WASF1: variants seen among roughly 807,000 people sequenced by gnomAD.
WASF1 encodes WASP family member 1.
Under a neutral mutation model 50.5 loss-of-function variants are expected in WASF1, and 7 were observed. That is an observed-to-expected ratio of 0.14 (90% CI 0.08 to 0.26). The LOEUF is 0.26. Among genes scored for constraint, WASF1 ranks in the 10% least tolerant of loss-of-function variants. The pLI is 1.00. For missense variants in WASF1, 470 were observed against 694.7 expected (o/e 0.68, Z 3.64); for synonymous variants, 205 against 244.0 (o/e 0.84, Z 1.49).
At chr6:110,173,311 T>TAAAGAAAC (rs1562192968) in intron 2 of WASF1, among the ~76,000 whole-genome samples, 1 of 151,708 alleles carries the variant, frequency 6.6e-6, no homozygotes, top group African/African-American at 2.4e-5. Flanking sequence ...CACACCAAAT[T>TAAAGAAAC]AAAAAAACAA....
Position 110,113,389 on chromosome 6 carries a change from A to T in WASF1, c.205T>A (p.Leu69Met). ...GATAAACGGTCCACACGTTCTTGCA[A>T]TGAGTTGACTCTGAAGGAAAAACTA... is the stretch of plus-strand genomic sequence containing the variant. ...AHSFSFRVNSLQERVDRLSVS... is the reference protein window; with the variant it reads ...AHSFSFRVNSMQERVDRLSVS... The change falls in exon 5 of 11, where the codon TTG becomes ATG. Residue 69 changes from leucine to methionine, a missense_variant. Transcript: ENST00000392589. The T allele has an allele frequency of 1.2e-6, 2 of 1,607,040 alleles. No individual in the cohort carries two copies. Among genetic ancestry groups the T allele is most frequent in the Non-Finnish European group, 1.7e-6 (2 of 1,177,030 alleles).
chr6:110,125,452 G>A (rs532702920), intron 4 of WASF1, among the ~76,000 whole-genome samples: 29 of 152,222 alleles, frequency 1.9e-4, no homozygotes, highest in African/African-American at 7.0e-4. Context: ...TTTATCCTCT[G>A]AAGCATAACT....
intron 3 of WASF1, among the ~76,000 whole-genome samples, chr6:110,127,840 G>A (rs998729945): frequency 1.3e-5 from 2 of 152,090 alleles, no homozygotes; most frequent in African/African-American, 4.8e-5. Context: ...TACTCAAGGT[G>A]AAAATGACAA....
At chr6:110,124,274 C>CTATATATATATATATATATATATATA (rs35703116) in intron 4 of WASF1, among the ~76,000 whole-genome samples, 1 of 20,504 alleles carries the variant, frequency 4.9e-5, no homozygotes, top group Non-Finnish European at 7.6e-5. Context: ...CTCTCTCTCT[C>CTATATATATATATATATATATATATA]TATATATATA....
intron 3 of WASF1, among the ~76,000 whole-genome samples, chr6:110,135,721 CTT>C (rs139834112): frequency 0.018 from 1,358 of 73,466 alleles, 29 homozygotes; most frequent in African/African-American, 0.066. Context: ...GGAAGATTAT[CTT>C]TTTTTTTTTT....
chr6:110,100,520 T>C lies in WASF1; in HGVS notation c.*2A>G, dbSNP rs775460906. On this transcript the variant is annotated 3_prime_UTR_variant, in exon 11 of 11. Coordinates refer to ENST00000392589, the MANE Select transcript of WASF1 (RefSeq NM_003931.3). ...TTTGTAATATTTATCAATGCATTTT[T>C]CTTACTCCAACCAATCTACTTCATC... 10 of 1,607,848 alleles carry C rather than the reference T, an allele frequency of 6.2e-6. No individual in the cohort carries two copies. In the Admixed American group the frequency reaches 1.7e-4, roughly 27 times the overall value.
intron 3 of WASF1, among the ~76,000 whole-genome samples, chr6:110,132,940 TTGTG>T (rs1348388642): frequency 6.9e-6 from 1 of 144,610 alleles, no homozygotes; most frequent in Admixed American, 6.9e-5. Flanking sequence ...ACCATGGTGT[TTGTG>T]TGTGTATTCC....
chr6:110,172,659 T>C (rs1159574586), intron 2 of WASF1, among the ~76,000 whole-genome samples: 3 of 152,198 alleles, frequency 2.0e-5, no homozygotes, highest in South Asian at 2.1e-4. Context: ...GAGGCCATTA[T>C]CCTAAGTGAA....
chr6:110,124,243 T>C (rs1478773862), intron 4 of WASF1, among the ~76,000 whole-genome samples: 6 of 33,052 alleles, frequency 1.8e-4, no homozygotes, highest in Admixed American at 3.8e-4. Flanking sequence ...CTCCTCTCTC[T>C]CTCTCTCTCT....
At chr6:110,147,739 G>A (rs1035153127) in intron 3 of WASF1, among the ~76,000 whole-genome samples, 2 of 152,022 alleles carry the variant, frequency 1.3e-5, no homozygotes, top group Non-Finnish European at 2.9e-5. Context: ...ACTGCACCAA[G>A]GTTATTACTG....
At chr6:110,113,518 T>C (rs910059911) in intron 4 of WASF1, 58 bp from the exon 5 acceptor site, 105 of 1,455,924 alleles carry the variant, frequency 7.2e-5, no homozygotes, top group Non-Finnish European at 9.2e-5. Context: ...TGAGTTTTTA[T>C]CTTTGCAAGC....
chr6:110,114,303 G>A (rs1054464027), intron 4 of WASF1, among the ~76,000 whole-genome samples: 6 of 152,262 alleles, frequency 3.9e-5, no homozygotes, highest in African/African-American at 1.2e-4. Flanking sequence ...GTACAAGAAA[G>A]TCATAACACT....
chr6:110,175,484 A>G (rs1433014057), intron 2 of WASF1, among the ~76,000 whole-genome samples: 6 of 152,146 alleles, frequency 3.9e-5, no homozygotes, highest in African/African-American at 1.4e-4. Context: ...AAATGTCCTC[A>G]TAAGAGGGAC....
chr6:110,124,508 G>A (rs1477398669), intron 4 of WASF1, among the ~76,000 whole-genome samples: 1 of 151,148 alleles, frequency 6.6e-6, no homozygotes, highest in Non-Finnish European at 1.5e-5. Flanking sequence ...CATTAAGAAA[G>A]CAATAAAATG....
chr6:110,105,736 A>C (rs1292082116), intron 7 of WASF1, among the ~76,000 whole-genome samples, 157 bp from the exon 8 acceptor site: 1 of 152,238 alleles, frequency 6.6e-6, no homozygotes, highest in Non-Finnish European at 1.5e-5. Context: ...TTGTACATTC[A>C]GTTAAATCTT....
At chr6:110,129,989 A>G (rs1234263750) in intron 3 of WASF1, among the ~76,000 whole-genome samples, 1 of 152,230 alleles carries the variant, frequency 6.6e-6, no homozygotes, top group Non-Finnish European at 1.5e-5. Flanking sequence ...GAAATGACTG[A>G]CTGTACTATC....
At position 110,105,396 on chromosome 6, in the gene WASF1, A is replaced by G; in HGVS notation, c.713+11T>C. ...TTTATCATTTAAAAAAAAAAACAAA[A>G]GTAAAGAAACCTTGTTTCAAAATGA... On this transcript the variant is annotated intron_variant, in intron 8 of 10. Transcript: ENST00000392589. The G allele has an allele frequency of 1.3e-6, 2 of 1,580,652 alleles. No homozygotes were observed. Among genetic ancestry groups the G allele is most frequent in the Non-Finnish European group, 1.7e-6 (2 of 1,168,632 alleles).
intron 4 of WASF1, among the ~76,000 whole-genome samples, chr6:110,119,026 T>C (rs1773953505): frequency 6.6e-6 from 1 of 152,196 alleles, no homozygotes; most frequent in African/African-American, 2.4e-5. Flanking sequence ...CCAGAATCTC[T>C]GGGACACATT....
intron 4 of WASF1, among the ~76,000 whole-genome samples, chr6:110,124,272 CTCTATA>C (rs1404282637): frequency 4.5e-4 from 19 of 42,656 alleles, no homozygotes; most frequent in Admixed American, 5.5e-4. Context: ...CTCTCTCTCT[CTCTATA>C]TATATATATA....
Sources: allele counts gnomAD v4.1 joint callset (sites outside exome capture counted in the v4.1 genomes callset), GRCh38; gene constraint gnomAD v4.1.1; transcripts MANE v1.5; gene names NCBI Gene and HGNC (gene_info 2026-07-23, HGNC 2026-07-21).